PTPRF: variants seen among roughly 807,000 people sequenced by gnomAD.
The protein encoded by PTPRF is receptor-type tyrosine-protein phosphatase F.
Under a neutral mutation model 201.8 loss-of-function variants are expected in PTPRF, and 59 were observed. The observed-to-expected ratio is 0.29, with a 90% CI of 0.24 to 0.36. The LOEUF (loss-of-function observed/expected upper bound fraction) is 0.36. Among genes scored for constraint, PTPRF ranks in the 10% least tolerant of loss-of-function variants. The probability of loss-of-function intolerance (pLI) is 1.00; values close to 1 mark genes in which losing one functional copy is unlikely to be tolerated. For synonymous variants in PTPRF, 1,088 were observed against 1,089.7 expected (o/e 1.00, Z 0.03); for missense variants, 2,132 against 2,690.5 (o/e 0.79, Z 4.59).
intron 5 of PTPRF, among the ~76,000 whole-genome samples, chr1:43,558,317 C>CT (rs1645534761): frequency 6.6e-6 from 1 of 152,172 alleles, no homozygotes; most frequent in African/African-American, 2.4e-5. Flanking sequence ...TCTGTGCCCT[C>CT]TGCCTTTGCC....
intron 11 of PTPRF, 86 bp from the exon 12 acceptor site, chr1:43,597,662 G>A: frequency 2.0e-6 from 2 of 1,008,102 alleles, no homozygotes; most frequent in Non-Finnish European, 2.9e-6. Flanking sequence ...CTGCCCGGGT[G>A]AGTCTCCAGT....
rs972059066 is a variant in PTPRF at position 43,553,559 on chromosome 1, G to A, written c.159G>A (p.Val53=). ...TGLSGGVASF[V]CQATGEPKPR... is the part of the protein sequence containing the mutation. Reference sequence around the variant, plus strand: ...TGTCAGGAGGGGTAGCCTCCTTCGTGTGCCAAGCTACAGGAGAACCCAAGC... The same window carrying A: ...TGTCAGGAGGGGTAGCCTCCTTCGTATGCCAAGCTACAGGAGAACCCAAGC... The change falls in exon 4 of 34, where the codon GTG becomes GTA. Residue 53 remains valine, a synonymous_variant. Coordinates refer to ENST00000359947, the MANE Select transcript of PTPRF (RefSeq NM_002840.5). The surrounding 1 kb of genome is among the most constrained non-coding windows in gnomAD (Gnocchi z 4.1). The A allele has an allele frequency of 6.2e-7, 1 of 1,614,020 alleles. No homozygotes were observed. The highest frequency in any genetic ancestry group is 1.3e-5 in the African/African-American group (1 of 74,910).
At chr1:43,617,168 G>C (rs1035106535) in intron 23 of PTPRF, among the ~76,000 whole-genome samples, 1 of 152,110 alleles carries the variant, frequency 6.6e-6, no homozygotes, top group African/African-American at 2.4e-5. Flanking sequence ...GCAGGGCTTC[G>C]AGAGACCCTT....
In PTPRF at chr1:43,588,575, T is replaced by G. The variant is rs1263140665; in HGVS notation, c.680-156T>G. 6.6e-6 allele frequency among the ~76,000 whole-genome samples: 1 copy of G among 151,180 alleles called. No homozygotes were observed. The highest frequency in any genetic ancestry group is 1.5e-5 in the Non-Finnish European group (1 of 67,730). On this transcript the variant is annotated intron_variant, in intron 7 of 33. Coordinates refer to ENST00000359947, the MANE Select transcript of PTPRF (RefSeq NM_002840.5). The surrounding 1 kb of genome is among the most constrained non-coding windows in gnomAD (Gnocchi z 5.3). ...AGGCTGGAAGTGGGTGGGGTGGGAG[T>G]GGATGATGAGCTGGGGTCTGGCGGT...
intron 6 of PTPRF, among the ~76,000 whole-genome samples, chr1:43,577,502 C>T (rs566433319): frequency 4.6e-5 from 7 of 152,340 alleles, no homozygotes; most frequent in African/African-American, 1.7e-4. Flanking sequence ...TTCCCAGTCC[C>T]TCCTGCTGCC....
chr1:43,529,899 T>C (rs898148478), upstream of PTPRF, among the ~76,000 whole-genome samples: 1 of 152,158 alleles, frequency 6.6e-6, no homozygotes, highest in African/African-American at 2.4e-5. Context: ...GAGGGCATTA[T>C]CATGTCTTTA....
chr1:43,614,875 TCTTAAAAAAGAGTATTTTTA>T (rs1657358407), intron 23 of PTPRF, among the ~76,000 whole-genome samples: 1 of 149,514 alleles, frequency 6.7e-6, no homozygotes, highest in Non-Finnish European at 1.5e-5. Flanking sequence ...TAAAAAAAAC[TCTTAAAAAAGAGTATTTTTA>T]CTTAAAAAAG....
intron 5 of PTPRF, among the ~76,000 whole-genome samples, chr1:43,561,975 G>A (rs2153980836): frequency 6.6e-6 from 1 of 152,300 alleles, no homozygotes; most frequent in African/African-American, 2.4e-5. Context: ...CTAGCCTCAT[G>A]ACCACGGTGG....
intron 33 of PTPRF, 116 bp downstream of exon 33, chr1:43,621,348 T>G: frequency 7.2e-7 from 1 of 1,379,456 alleles, no homozygotes; most frequent in Non-Finnish European, 9.8e-7. Flanking sequence ...CTGCCAACCT[T>G]TCACGTGGCC....
chr1:43,567,112 A>T (rs1188028512), intron 5 of PTPRF, among the ~76,000 whole-genome samples: 1 of 152,110 alleles, frequency 6.6e-6, no homozygotes, highest in Non-Finnish European at 1.5e-5. Context: ...GGCCATGGCC[A>T]CGTCTTCCCC....
chr1:43,522,296 G>C (rs1642977805), upstream of PTPRF, among the ~76,000 whole-genome samples: 1 of 152,220 alleles, frequency 6.6e-6, no homozygotes, highest in Non-Finnish European at 1.5e-5. Flanking sequence ...AGCGGCGTCA[G>C]AAGGGTGAGC....
At chr1:43,599,180 ATTCTCCTTCCTCAGCC>A (rs893899997) in intron 13 of PTPRF, among the ~76,000 whole-genome samples, 1 of 152,100 alleles carries the variant, frequency 6.6e-6, no homozygotes, top group Non-Finnish European at 1.5e-5. Context: ...GGTTCAAGCA[ATTCTCCTTCCTCAGCC>A]TCCCGAGTAG....
Position 43,545,127 on chromosome 1 carries a change from C to T in PTPRF, c.52C>T (p.Leu18=), listed in dbSNP as rs145508048. The stretch of plus-strand genomic sequence containing the variant: ...GACGATGGTGCCCCTTGTGCCTGCA[C>T]TGGTGATGCTTGGTTTGGTGGCAGG... ...GRTMVPLVPA[L]VMLGLVAGAH... The change falls in exon 3 of 34, where the codon CTG becomes TTG. Residue 18 remains leucine (L), a synonymous_variant. Coordinates refer to ENST00000359947, the MANE Select transcript of PTPRF (RefSeq NM_002840.5). The T allele has an allele frequency of 8.7e-5, 139 of 1,590,610 alleles. No homozygotes were observed. In the African/African-American group the frequency reaches 1.5e-3, roughly 17 times the overall value.
chr1:43,542,578 T>G lies in PTPRF; in HGVS notation c.-45-2453T>G, dbSNP rs1335460731. Among the ~76,000 whole-genome samples, 1 of 152,122 alleles carries G rather than the reference T, an allele frequency of 6.6e-6. No individual in the cohort carries two copies. Among genetic ancestry groups the G allele is most frequent in the Non-Finnish European group, 1.5e-5 (1 of 68,004 alleles). The stretch of plus-strand genomic sequence containing the variant: ...AGGCTTGTACCACATGGGTGTCTAT[T>G]CTGGGAGTTTTACCCCCATGATGGC... On this transcript the variant is annotated intron_variant, in intron 2 of 33. Transcript: ENST00000359947. This position sits in a 1 kb window ranked among gnomAD's most constrained non-coding sequence, Gnocchi z 5.2.
chr1:43,522,539 T>TCAA (rs1314843323), upstream of PTPRF, among the ~76,000 whole-genome samples: 2 of 152,202 alleles, frequency 1.3e-5, no homozygotes, highest in African/African-American at 2.4e-5. Context: ...ATGACAGGCA[T>TCAA]CAATCCATTA....
intron 5 of PTPRF, among the ~76,000 whole-genome samples, chr1:43,565,299 T>G (rs766806848): frequency 6.6e-6 from 1 of 152,136 alleles, no homozygotes; most frequent in Non-Finnish European, 1.5e-5. Context: ...TCGCTAGGGC[T>G]TGTCATCGTC....
At position 43,613,709 on chromosome 1, in the gene PTPRF, G is replaced by T. The variant is rs773257469; in HGVS notation, c.4065G>T (p.Glu1355Asp). Residue 1355 changes from glutamate to aspartate, a missense_variant, in exon 23 of 34, where the codon GAG becomes GAT. Coordinates refer to ENST00000359947, the MANE Select transcript of PTPRF (RefSeq NM_002840.5). Reference protein sequence around the residue: ...KANDGLKFSQEYESIDPGQQF... With the variant: ...KANDGLKFSQDYESIDPGQQF... Reference sequence around the variant, plus strand: ...ACGATGGCCTCAAGTTCTCCCAGGAGTATGAGGTGAGATGTTCCCGCCCCC... The same window carrying T: ...ACGATGGCCTCAAGTTCTCCCAGGATTATGAGGTGAGATGTTCCCGCCCCC... 5 of 1,613,754 alleles carry T rather than the reference G, an allele frequency of 3.1e-6. No individual in the cohort carries two copies. The highest frequency in any genetic ancestry group is 1.7e-4 in the Middle Eastern group (1 of 6,060).
Position 43,573,610 on chromosome 1 carries a change from C to T in PTPRF, c.568+3832C>T, listed in dbSNP as rs527608338. 1.1e-4 allele frequency among the ~76,000 whole-genome samples: 17 copies of T among 152,366 alleles called. No individual in the cohort carries two copies. The South Asian group carries it at 3.5e-3, about 32-fold the overall frequency. ...CCATCTGCGGGGCCTGCCAGGAAGG[C>T]ACACTGCCAGTGCATGCTCACAATT... On this transcript the variant is annotated intron_variant, in intron 6 of 33. Coordinates refer to ENST00000359947, the MANE Select transcript of PTPRF (RefSeq NM_002840.5).
At chr1:43,562,022 G>A (rs900088702) in intron 5 of PTPRF, among the ~76,000 whole-genome samples, 3 of 152,184 alleles carry the variant, frequency 2.0e-5, no homozygotes, top group African/African-American at 4.8e-5. Flanking sequence ...CCAGGATGGC[G>A]GTTTAAATGC....
Sources: gnomAD v4.1 joint callset for allele counts (sites outside exome capture counted in the v4.1 genomes callset) on GRCh38, gnomAD v4.1.1 for gene constraint, Gnocchi (gnomAD v3.1) non-coding constraint, MANE v1.5 for transcripts, NCBI Gene and HGNC (gene_info 2026-07-23, HGNC 2026-07-21) for gene names.